MTFR1: variants seen among roughly 807,000 people sequenced by gnomAD.
The protein encoded by MTFR1 is chondrocyte protein with a poly-proline region.
Under a neutral mutation model 38.8 loss-of-function variants are expected in MTFR1, and 28 were observed. That is an observed-to-expected ratio of 0.72 (90% CI 0.53 to 0.99). The LOEUF (loss-of-function observed/expected upper bound fraction) is 0.99, where lower values mean the gene tolerates loss of function less well. Among genes scored for constraint, MTFR1 ranks in the 50% least tolerant of loss-of-function variants. MTFR1 has a pLI of 0.00. For synonymous variants in MTFR1, 145 were observed against 137.0 expected (o/e 1.06, Z -0.41); for missense variants, 358 against 395.5 (o/e 0.91, Z 0.81).
intron 1 of MTFR1, among the ~76,000 whole-genome samples, chr8:65,658,831 G>A (rs1275795019): frequency 6.6e-6 from 1 of 152,252 alleles, no homozygotes; most frequent in East Asian, 1.9e-4. Context: ...CTGCACTCTG[G>A]GGTAGTTTTG....
intron 4 of MTFR1, 71 bp downstream of exon 4, chr8:65,693,830 C>T: frequency 8.5e-7 from 1 of 1,183,286 alleles, no homozygotes; most frequent in Non-Finnish European, 1.2e-6. Flanking sequence ...ATTTGCAGTA[C>T]TTATTTTTAA....
intron 3 of MTFR1, among the ~76,000 whole-genome samples, chr8:65,731,309 C>G (rs1181587335): frequency 6.6e-6 from 1 of 152,082 alleles, no homozygotes; most frequent in African/African-American, 2.4e-5. Context: ...GATGCGGGGG[C>G]CAGGGAGGGA....
intron 3 of MTFR1, among the ~76,000 whole-genome samples, chr8:65,736,496 T>TGA (rs1385247979): frequency 1.3e-5 from 2 of 152,150 alleles, no homozygotes; most frequent in Admixed American, 1.3e-4. Flanking sequence ...CTCACACCTG[T>TGA]AATTCCAGCA....
intron 5 of MTFR1, 21 bp from the exon 6 acceptor site, chr8:65,706,989 T>G (rs1160015251): frequency 6.4e-7 from 1 of 1,563,478 alleles, no homozygotes. Context: ...GGATTAAGTT[T>G]GTTTTCCTTT....
intron 3 of MTFR1, among the ~76,000 whole-genome samples, chr8:65,689,250 C>G (rs921723046): frequency 6.6e-6 from 1 of 152,198 alleles, no homozygotes; most frequent in Non-Finnish European, 1.5e-5. Flanking sequence ...GCAGAGAATC[C>G]TAGTTCCCAG....
At chr8:65,665,912 A>G (rs1032449934) in intron 1 of MTFR1, among the ~76,000 whole-genome samples, 2 of 145,270 alleles carry the variant, frequency 1.4e-5, no homozygotes, top group African/African-American at 5.0e-5. Context: ...GGCTTTATGC[A>G]TTAATCTCTA....
chr8:65,750,231 A>G (rs1373446316), intron 3 of MTFR1, among the ~76,000 whole-genome samples: 4 of 152,234 alleles, frequency 2.6e-5, no homozygotes, highest in Non-Finnish European at 5.9e-5. Context: ...ATGCAATACA[A>G]TGAATGCATT....
intron 6 of MTFR1, 94 bp from the exon 7 acceptor site, chr8:65,707,749 G>C: frequency 6.8e-7 from 1 of 1,471,988 alleles, no homozygotes; most frequent in South Asian, 1.3e-5. Flanking sequence ...TATGATGCTG[G>C]AGAGGTGCTG....
rs749772109 is a variant in MTFR1 at position 65,734,889 on chromosome 8, T to C, written c.*48+15408T>C. On this transcript the variant is annotated intron_variant, in intron 3 of 3. Coordinates refer to the MTFR1 transcript ENST00000521247. ...TTTTGACTGTGGTAATCTTCTTGAATCATAACTGCATCAAAGAAAGAGATC... is the reference window on the plus strand; with the variant it reads ...TTTTGACTGTGGTAATCTTCTTGAACCATAACTGCATCAAAGAAAGAGATC... 8.1e-6 allele frequency: 13 copies of C among 1,597,078 alleles called. No homozygotes were observed. In the African/African-American group the frequency reaches 1.7e-4, roughly 21 times the overall value.
chr8:65,703,380 T>C (rs534928193), intron 4 of MTFR1, among the ~76,000 whole-genome samples: 1 of 150,762 alleles, frequency 6.6e-6, no homozygotes, highest in African/African-American at 2.4e-5. Context: ...TTTGGCTGTT[T>C]ATCTTCTGTT....
intron 1 of MTFR1, among the ~76,000 whole-genome samples, chr8:65,657,623 G>A (rs1013066434): frequency 2.0e-5 from 3 of 151,632 alleles, no homozygotes; most frequent in Non-Finnish European, 2.9e-5. Context: ...AGAATCACTC[G>A]AGCCCCAGGA....
intron 4 of MTFR1, among the ~76,000 whole-genome samples, chr8:65,698,937 C>T (rs1255912910): frequency 2.0e-5 from 3 of 152,124 alleles, no homozygotes; most frequent in Non-Finnish European, 4.4e-5. Flanking sequence ...CCATGTTGGT[C>T]AGGCTGGTCT....
chr8:65,693,701 T>C lies in MTFR1; in HGVS notation c.223T>C (p.Ser75Pro). The C allele has an allele frequency of 6.2e-7, 1 of 1,614,182 alleles. No individual in the cohort carries two copies. Among genetic ancestry groups the C allele is most frequent in the Non-Finnish European group, 8.5e-7 (1 of 1,180,030 alleles). Reference sequence around the variant, plus strand: ...CCACCCAGGAGAGGATGCAGTGGCGTCTTTTGCTGATGTTGGATGGGTAGC... The same window carrying C: ...CCACCCAGGAGAGGATGCAGTGGCGCCTTTTGCTGATGTTGGATGGGTAGC... ...PSHPGEDAVA[S>P]FADVGWVAKE... Residue 75 changes from serine (S) to proline (P), a missense_variant, in exon 4 of 8, where the codon TCT (serine) becomes CCT (proline). By Grantham distance (74) the Ser-to-Pro change is moderately conservative (BLOSUM62 -1). Coordinates refer to ENST00000262146, the MANE Select transcript of MTFR1 (RefSeq NM_014637.4).
chr8:65,756,717 C>A (rs1413957880), intron 3 of MTFR1, among the ~76,000 whole-genome samples: 1 of 152,080 alleles, frequency 6.6e-6, no homozygotes, highest in Non-Finnish European at 1.5e-5. Flanking sequence ...CATTTAACAT[C>A]TTTGACTAGT....
At chr8:65,733,443 G>C (rs1806987866) in intron 3 of MTFR1, among the ~76,000 whole-genome samples, 1 of 152,142 alleles carries the variant, frequency 6.6e-6, no homozygotes, top group Non-Finnish European at 1.5e-5. Flanking sequence ...TCTTGGCCCA[G>C]AGATTTTTTT....
At chr8:65,745,342 C>T (rs1326979515) in intron 3 of MTFR1, 14 of 912,664 alleles carry the variant, frequency 1.5e-5, no homozygotes, top group East Asian at 1.2e-4. Flanking sequence ...AACGCACCAG[C>T]GGCTGCACCA....
At position 65,693,775 on chromosome 8, in the gene MTFR1, T is replaced by C; in HGVS notation, c.281+16T>C. On this transcript the variant is annotated intron_variant, in intron 4 of 7. Transcript: ENST00000262146. Reference sequence around the variant, plus strand: ...CAAGACTAAGGTTAGTTTGGAAGGCTATCAGAACTGAGATGCAATATCTAT... The same window carrying C: ...CAAGACTAAGGTTAGTTTGGAAGGCCATCAGAACTGAGATGCAATATCTAT... 1 of 1,575,694 alleles carries C rather than the reference T, an allele frequency of 6.3e-7. No individual in the cohort carries two copies.
At chr8:65,664,193 C>G (rs747108292) in intron 1 of MTFR1, among the ~76,000 whole-genome samples, 2 of 152,132 alleles carry the variant, frequency 1.3e-5, no homozygotes, top group African/African-American at 4.8e-5. Flanking sequence ...AGCGAATGCT[C>G]AAGAGAAATG....
At chr8:65,696,713 T>G (rs2129056985) in intron 4 of MTFR1, among the ~76,000 whole-genome samples, 1 of 152,132 alleles carries the variant, frequency 6.6e-6, no homozygotes, top group Middle Eastern at 3.4e-3. Flanking sequence ...CAGGCTGGAG[T>G]GCGGGGATGC....
Sources: allele counts gnomAD v4.1 joint callset (sites outside exome capture counted in the v4.1 genomes callset), GRCh38; gene constraint gnomAD v4.1.1; transcripts MANE v1.5; gene names NCBI Gene and HGNC (gene_info 2026-07-23, HGNC 2026-07-21).